Variants in PKHD1 observed in about 807,000 individuals in gnomAD.
PKHD1 encodes the protein fibrocystin.
In PKHD1, 291 loss-of-function variants were observed where a neutral mutation model predicts 412.0. That is an observed-to-expected ratio of 0.71 (90% confidence interval 0.64 to 0.78). The LOEUF (loss-of-function observed/expected upper bound fraction) is 0.78, where lower values mean the gene tolerates loss of function less well. Ranked by LOEUF, PKHD1 falls within the 30% of genes least tolerant of loss-of-function variation. PKHD1 has a pLI of 0.00. For synonymous variants in PKHD1, 1,777 were observed against 1,821.5 expected (o/e 0.98, Z 0.62); for missense variants, 4,825 against 4,950.7 (o/e 0.97, Z 0.76).
At chr6:51,809,450 T>A (rs1419882087) in intron 52 of PKHD1, among the ~76,000 whole-genome samples, 2 of 152,070 alleles carry the variant, frequency 1.3e-5, no homozygotes, top group Admixed American at 1.3e-4. Context: ...CATACCAGCT[T>A]TATCTAGACC....
At chr6:51,896,198 C>T (rs1583247940) in intron 43 of PKHD1, among the ~76,000 whole-genome samples, 1 of 151,808 alleles carries the variant, frequency 6.6e-6, no homozygotes, top group Non-Finnish European at 1.5e-5. Context: ...CCTCTGTAGG[C>T]TCCACCTCTG....
chr6:52,066,168 A>G, intron 11 of PKHD1, 91 bp from the exon 12 acceptor site: 1 of 652,796 alleles, frequency 1.5e-6, no homozygotes, highest in East Asian at 2.8e-5. Context: ...GATATTAATA[A>G]TTTCTTACTT....
intron 52 of PKHD1, among the ~76,000 whole-genome samples, chr6:51,824,188 T>C (rs540920701): frequency 3.4e-4 from 51 of 152,176 alleles, no homozygotes; most frequent in African/African-American, 1.1e-3. Flanking sequence ...TATGTGTCTA[T>C]AATTTACATA....
At chr6:51,960,297 C>A (rs928423863) in intron 35 of PKHD1, among the ~76,000 whole-genome samples, 11 of 152,084 alleles carry the variant, frequency 7.2e-5, no homozygotes, top group African/African-American at 2.4e-4. Context: ...ATTTGAAGTT[C>A]TTCTGTGCCC....
At chr6:51,697,002 A>C (rs1239638029) in intron 60 of PKHD1, among the ~76,000 whole-genome samples, 1 of 152,162 alleles carries the variant, frequency 6.6e-6, no homozygotes, top group Non-Finnish European at 1.5e-5. Flanking sequence ...CAGCCTGGCC[A>C]ACATGGTGAA....
chr6:51,668,516 T>G (rs1467213960), intron 60 of PKHD1, among the ~76,000 whole-genome samples: 1 of 152,154 alleles, frequency 6.6e-6, no homozygotes, highest in Non-Finnish European at 1.5e-5. Flanking sequence ...CTTCCTCTTT[T>G]CCTAATTGAA....
intron 53 of PKHD1, among the ~76,000 whole-genome samples, chr6:51,787,099 G>T (rs1792996079): frequency 6.6e-6 from 1 of 152,170 alleles, no homozygotes; most frequent in Admixed American, 6.5e-5. Context: ...GGTGGCTCAT[G>T]CCTATAATCC....
At chr6:51,888,211 C>A (rs190862351) in intron 43 of PKHD1, among the ~76,000 whole-genome samples, 2 of 152,290 alleles carry the variant, frequency 1.3e-5, no homozygotes, top group African/African-American at 4.8e-5. Flanking sequence ...ACTATTAAGT[C>A]GCCTTGATAT....
At position 51,659,110 on chromosome 6, in the gene PKHD1, T is replaced by C. The variant is rs1262287676; in HGVS notation, c.11016A>G (p.Val3672=). 1.2e-6 allele frequency: 2 copies of C among 1,613,872 alleles called. No homozygotes were observed. The highest frequency in any genetic ancestry group is 1.1e-5 in the South Asian group (1 of 91,082). Reference sequence around the variant, plus strand: ...AGGATGAAATCATTCCAGTGCTCCTTACTGTTGGCGAATCACCAATTTCAA... The same window carrying C: ...AGGATGAAATCATTCCAGTGCTCCTCACTGTTGGCGAATCACCAATTTCAA... ...IVIEIGDSPT[V]RSTGMISSLS... Residue 3672 remains valine, a synonymous_variant, in exon 61 of 67, where the codon GTA becomes GTG. Transcript: ENST00000371117.
chr6:51,644,997 G>A (rs1025391210), intron 63 of PKHD1, among the ~76,000 whole-genome samples: 1 of 152,148 alleles, frequency 6.6e-6, no homozygotes, highest in Non-Finnish European at 1.5e-5. Flanking sequence ...AATTTTTAAA[G>A]AGTGGTAAAC....
chr6:51,667,389 G>A (rs1428683506), intron 60 of PKHD1, among the ~76,000 whole-genome samples: 2 of 151,304 alleles, frequency 1.3e-5, no homozygotes, highest in Non-Finnish European at 3.0e-5. Context: ...TTTTAATGGG[G>A]TTGTTTGTTT....
At chr6:51,955,655 A>C (rs970147038) in intron 36 of PKHD1, among the ~76,000 whole-genome samples, 9 of 152,192 alleles carry the variant, frequency 5.9e-5, no homozygotes, top group African/African-American at 1.9e-4. Flanking sequence ...GTATTTCCAA[A>C]TGTAGTTCTT....
At position 51,990,174 on chromosome 6, in the gene PKHD1, A is replaced by G. The variant is rs144630222; in HGVS notation, c.5751+20135T>C. Among the ~76,000 whole-genome samples the G allele has an allele frequency of 5.2e-3, 791 of 151,714 alleles. 5 individuals are homozygous for G. Among genetic ancestry groups the G allele is most frequent in the African/African-American group, 0.018 (763 of 41,344 alleles). The stretch of plus-strand genomic sequence containing the variant: ...CCAGGCTATTGCCCTCATGCCAGTA[A>G]CTAGATAACACACTCTATCAAAGAT... On this transcript the variant is annotated intron_variant, in intron 35 of 66. Coordinates refer to ENST00000371117, the MANE Select transcript of PKHD1 (RefSeq NM_138694.4).
At chr6:52,055,426 A>G (rs868481326) in intron 19 of PKHD1, among the ~76,000 whole-genome samples, 161 bp downstream of exon 19, 1 of 152,250 alleles carries the variant, frequency 6.6e-6, no homozygotes, top group Non-Finnish European at 1.5e-5. Flanking sequence ...GTGTCCATTC[A>G]TACCTGAAAC....
intron 60 of PKHD1, among the ~76,000 whole-genome samples, chr6:51,733,236 T>C (rs1174790750): frequency 1.3e-5 from 2 of 152,084 alleles, no homozygotes; most frequent in Non-Finnish European, 2.9e-5. Context: ...CACTGAACTG[T>C]ACACTTAAAA....
intron 61 of PKHD1, among the ~76,000 whole-genome samples, chr6:51,657,770 C>T (rs1772126924): frequency 1.3e-5 from 2 of 152,056 alleles, no homozygotes; most frequent in Admixed American, 6.6e-5. Flanking sequence ...TTCTGATGTA[C>T]CTCTATTGCT....
chr6:51,707,717 G>A (rs9395707), intron 60 of PKHD1, among the ~76,000 whole-genome samples: 56,870 of 151,886 alleles, frequency 0.37, 11,272 homozygotes, highest in East Asian at 0.61. Flanking sequence ...GAAACTGCTT[G>A]TATCAAGATT....
In PKHD1 at chr6:52,087,589, A is replaced by G. The variant is rs1812967480; in HGVS notation, c.-240T>C. On this transcript the variant is annotated 5_prime_UTR_variant, in exon 1 of 67. Transcript: ENST00000371117. Reference sequence around the variant, plus strand: ...GCAGGTAACTCACTCACGTTAGACTATAACTCACCTAACTCGTTTGTGTCC... The same window carrying G: ...GCAGGTAACTCACTCACGTTAGACTGTAACTCACCTAACTCGTTTGTGTCC... 2 of 152,216 alleles carry G rather than the reference A, an allele frequency of 1.3e-5. No individual in the cohort carries two copies. The highest frequency in any genetic ancestry group is 4.1e-4 in the South Asian group (2 of 4,822). The allele number at this position is 152,216 out of a possible 1,614,324, so 9.4% of individuals were successfully genotyped here. A position where few individuals can be genotyped will look rare whatever the true frequency, so the allele number is the denominator to read the frequency against.
chr6:52,039,271 C>A (rs1464855086), intron 27 of PKHD1, among the ~76,000 whole-genome samples: 1 of 152,160 alleles, frequency 6.6e-6, no homozygotes, highest in South Asian at 2.1e-4. Flanking sequence ...GGCTCTGCGT[C>A]CTCACCCAAA....
Sources: gnomAD v4.1 joint callset for allele counts (sites outside exome capture counted in the v4.1 genomes callset) on GRCh38, gnomAD v4.1.1 for gene constraint, MANE v1.5 for transcripts, NCBI Gene and HGNC (gene_info 2026-07-23, HGNC 2026-07-21) for gene names.